The following NPSR1 variants were observed in gnomAD, a reference collection of about 807,000 sequenced individuals.
NPSR1 encodes the protein neuropeptide S receptor 1.
In NPSR1, 48 loss-of-function variants were observed where a neutral mutation model predicts 46.9. The observed-to-expected ratio is 1.02, with a 90% CI of 0.81 to 1.30. The LOEUF is 1.30. Ranked by LOEUF, NPSR1 falls within the 50% of genes most tolerant of loss-of-function variation. The pLI, the probability that NPSR1 is intolerant of heterozygous loss-of-function variation, is 0.00. For missense variants in NPSR1, 450 were observed against 449.5 expected (o/e 1.00, Z -0.01); for synonymous variants, 176 against 168.1 (o/e 1.05, Z -0.36).
At chr7:34,679,399 T>G (rs1792498169) in intron 1 of NPSR1, among the ~76,000 whole-genome samples, 1 of 152,090 alleles carries the variant, frequency 6.6e-6, no homozygotes, top group African/African-American at 2.4e-5. Flanking sequence ...ACCATTAAAA[T>G]AGAAATATGA....
chr7:34,875,175 G>C (rs865890848), intron 8 of NPSR1, among the ~76,000 whole-genome samples: 2 of 152,204 alleles, frequency 1.3e-5, no homozygotes, highest in Non-Finnish European at 2.9e-5. Flanking sequence ...TCATGACAAT[G>C]AAATTCAGGC....
intron 2 of NPSR1, among the ~76,000 whole-genome samples, chr7:34,742,194 G>A (rs1182918607): frequency 6.6e-6 from 1 of 150,522 alleles, no homozygotes; most frequent in East Asian, 1.9e-4. Flanking sequence ...AGGTTTGGGG[G>A]TGCATGTGAA....
intron 2 of NPSR1, chr7:34,751,835 G>C (rs1240940768): frequency 3.2e-6 from 5 of 1,586,178 alleles, no homozygotes; most frequent in Non-Finnish European, 2.6e-6. Flanking sequence ...TGGTAAATGA[G>C]GGTCACTGCC....
chr7:34,809,783 C>T (rs1178862373), intron 3 of NPSR1, among the ~76,000 whole-genome samples: 1 of 152,110 alleles, frequency 6.6e-6, no homozygotes, highest in Non-Finnish European at 1.5e-5. Flanking sequence ...ACCCTCCTCC[C>T]ACCCTACACC....
intron 2 of NPSR1, among the ~76,000 whole-genome samples, chr7:34,709,017 C>G (rs1794250974): frequency 6.6e-6 from 1 of 152,128 alleles, no homozygotes; most frequent in Non-Finnish European, 1.5e-5. Context: ...GAATTGTAAC[C>G]AGCTTGATCT....
At chr7:34,689,630 A>G (rs1347134439) in intron 2 of NPSR1, among the ~76,000 whole-genome samples, 74 of 145,540 alleles carry the variant, frequency 5.1e-4, no homozygotes, top group Admixed American at 1.2e-3. Context: ...AAAAAAAAAA[A>G]AAAAGAAAAG....
intron 2 of NPSR1, chr7:34,751,752 T>A: frequency 6.3e-7 from 1 of 1,586,498 alleles, no homozygotes; most frequent in Non-Finnish European, 8.7e-7. Flanking sequence ...TCTTCTCTTC[T>A]AGCTTCTCCA....
chr7:34,667,758 C>T (rs1791823549), intron 1 of NPSR1, among the ~76,000 whole-genome samples: 1 of 152,024 alleles, frequency 6.6e-6, no homozygotes, highest in Admixed American at 6.6e-5. Context: ...TCTCTTTTCC[C>T]AGCCTTAACT....
chr7:34,802,753 G>A (rs377491249), intron 3 of NPSR1, among the ~76,000 whole-genome samples: 8 of 150,354 alleles, frequency 5.3e-5, no homozygotes, highest in East Asian at 1.9e-4. Flanking sequence ...GCACAGCAAA[G>A]GAAACTACCA....
intron 8 of NPSR1, among the ~76,000 whole-genome samples, chr7:34,873,524 C>T (rs2128770718): frequency 6.6e-6 from 1 of 151,772 alleles, no homozygotes; most frequent in South Asian, 2.1e-4. Flanking sequence ...GAGCTTACAC[C>T]ATGGTGAAAG....
intron 1 of NPSR1, among the ~76,000 whole-genome samples, chr7:34,670,951 T>A (rs941261302): frequency 6.6e-6 from 1 of 152,124 alleles, no homozygotes. Flanking sequence ...TACAGCAAAC[T>A]TAAATGATGT....
rs537398081 is a variant in NPSR1, at chr7:34,859,714, A to C, written c.1025+11051A>C. On this transcript the variant is annotated intron_variant, in intron 8 of 8. Transcript: ENST00000359791. ...TGGCTGCATCATGAATCACTCAAGG[A>C]ATTTATTTTTTATCCAGATTTCTGA... 3.3e-4 allele frequency among the ~76,000 whole-genome samples: 50 copies of C among 151,822 alleles called. 1 individual carries two copies. The highest frequency in any genetic ancestry group is 1.1e-3 in the African/African-American group (46 of 41,144).
At chr7:34,692,165 G>C (rs1562655420) in intron 2 of NPSR1, among the ~76,000 whole-genome samples, 1 of 151,534 alleles carries the variant, frequency 6.6e-6, no homozygotes, top group Non-Finnish European at 1.5e-5. Context: ...AAGAAAGAAA[G>C]AAACTCTGGA....
In NPSR1 at chr7:34,834,078, G is replaced by A. The variant is rs546204065; in HGVS notation, c.681-306G>A. The A allele has an allele frequency of 1.6e-5, 6 of 369,164 alleles. No individual in the cohort carries two copies. The East Asian group carries it at 3.0e-4, about 18-fold the overall frequency. The allele number at this position is 369,164 out of a possible 1,614,324, so 22.9% of individuals were successfully genotyped here. A position where few individuals can be genotyped will look rare whatever the true frequency, so the allele number is the denominator to read the frequency against. On this transcript the variant is annotated intron_variant, in intron 5 of 8. Coordinates refer to ENST00000360581, the MANE Select transcript of NPSR1 (RefSeq NM_207172.2). ...AAGTAGAGGAGACCCAAGTTTTTCT[G>A]ACTCTAAGGCCTGTTTTTGGATTCT...
At chr7:34,676,578 C>A (rs149944839) in intron 1 of NPSR1, among the ~76,000 whole-genome samples, 7 of 152,260 alleles carry the variant, frequency 4.6e-5, no homozygotes, top group Admixed American at 1.3e-4. Flanking sequence ...AATAAAGGAG[C>A]AAGCAGCTGA....
chr7:34,836,320 A>T (rs1465768925), intron 6 of NPSR1, among the ~76,000 whole-genome samples: 1 of 152,214 alleles, frequency 6.6e-6, no homozygotes, highest in Non-Finnish European at 1.5e-5. Context: ...TATCAAATAA[A>T]TGCAGTAAGT....
In NPSR1 at chr7:34,834,366, CT is replaced by C; in HGVS notation, c.681-15del. The C allele has an allele frequency of 6.2e-7, 1 of 1,605,556 alleles. No individual in the cohort carries two copies. Among genetic ancestry groups the C allele is most frequent in the Non-Finnish European group, 8.5e-7 (1 of 1,172,400 alleles). ...GATCCACCAGTCACTTTAATACTAC[CT>C]TTGGTTCTTTCTGCAGCATCATGTA... is the stretch of plus-strand genomic sequence containing the variant. On this transcript the variant is annotated splice_polypyrimidine_tract_variant and intron_variant, in intron 5 of 8. Coordinates refer to ENST00000360581, the MANE Select transcript of NPSR1 (RefSeq NM_207172.2).
At position 34,679,289 on chromosome 7, in the gene NPSR1, C is replaced by T. The variant is rs149786532; in HGVS notation, c.148-5263C>T. ...AGTGTCATTATTAAAAATAGACTGT[C>T]AGTTTAAGTCAAAAACAAAAATTAT... On this transcript the variant is annotated intron_variant, in intron 1 of 8. Coordinates refer to ENST00000360581, the MANE Select transcript of NPSR1 (RefSeq NM_207172.2). 1.8e-4 allele frequency among the ~76,000 whole-genome samples: 27 copies of T among 152,178 alleles called. No homozygotes were observed. The East Asian group carries it at 5.0e-3, about 28-fold the overall frequency.
At chr7:34,744,127 A>G (rs1012926590) in intron 2 of NPSR1, among the ~76,000 whole-genome samples, 6 of 151,986 alleles carry the variant, frequency 3.9e-5, no homozygotes, top group African/African-American at 1.4e-4. Flanking sequence ...TTTCTCCCAT[A>G]GTTCTATTAT....
Sources: gnomAD v4.1 joint callset for allele counts (sites outside exome capture counted in the v4.1 genomes callset) on GRCh38, gnomAD v4.1.1 for gene constraint, MANE v1.5 for transcripts, NCBI Gene and HGNC (gene_info 2026-07-23, HGNC 2026-07-21) for gene names.